Variants in SUPT3H observed in about 807,000 individuals in gnomAD.
SUPT3H encodes transcription initiation protein SPT3 homolog.
A neutral mutation model predicts 44.3 loss-of-function variants in SUPT3H; 44 were observed. That is an observed-to-expected ratio of 0.99 (90% CI 0.78 to 1.28). The LOEUF (loss-of-function observed/expected upper bound fraction) is 1.28, where lower values mean the gene tolerates loss of function less well. Ranked by LOEUF, SUPT3H falls within the 50% of genes most tolerant of loss-of-function variation. The pLI, the probability that SUPT3H is intolerant of heterozygous loss-of-function variation, is 0.00. For synonymous variants in SUPT3H, 124 were observed against 125.6 expected, an observed-to-expected ratio of 0.99 and a Z score of 0.09; for missense variants, 380 against 387.1, an observed-to-expected ratio of 0.98 and a Z score of 0.15.
intron 2 of SUPT3H, among the ~76,000 whole-genome samples, chr6:45,296,185 TACACACACAC>T (rs201077641): frequency 7.1e-6 from 1 of 140,454 alleles, no homozygotes; most frequent in Non-Finnish European, 1.5e-5. Context: ...ATACACATAC[TACACACACAC>T]ACACACACAC....
intron 2 of SUPT3H, among the ~76,000 whole-genome samples, chr6:45,239,680 C>T (rs1769919796): frequency 1.3e-5 from 2 of 152,182 alleles, no homozygotes; most frequent in Admixed American, 6.5e-5. Context: ...CAGTGTTTTA[C>T]AGTGATAGGC....
intron 2 of SUPT3H, among the ~76,000 whole-genome samples, chr6:45,182,921 G>T (rs1813541521): frequency 6.6e-6 from 1 of 152,154 alleles, no homozygotes; most frequent in African/African-American, 2.4e-5. Flanking sequence ...CAGCTGGGTG[G>T]ATCCTCAAAA....
chr6:45,136,402 T>G (rs1804283868), intron 2 of SUPT3H, among the ~76,000 whole-genome samples: 1 of 152,112 alleles, frequency 6.6e-6, no homozygotes, highest in Non-Finnish European at 1.5e-5. Flanking sequence ...AATACTATCT[T>G]AGTCCAGTGT....
rs1770198071 is a variant in SUPT3H, at chr6:45,241,006, G to C, written c.101+124195C>G. Among the ~76,000 whole-genome samples, 3 of 152,186 alleles carry C rather than the reference G, an allele frequency of 2.0e-5. No individual in the cohort carries two copies. The South Asian group carries it at 6.2e-4, about 31-fold the overall frequency. On this transcript the variant is annotated intron_variant, in intron 2 of 10. Transcript: ENST00000371459. ...TGAAGGAGCTGCAGACAGATTAGCA[G>C]CTAGTAACCCATTAAAAAGGATAAA...
rs201619216 is a variant in SUPT3H at position 45,014,823 on chromosome 6, G to A, written c.342C>T (p.Ile114=). ...TACCTTCGAGAAGATCATCCTCATC[G>A]ATGCCTTTGACAATCTTTGATTTGT... ...RDYKSKIVKG[I]DEDDLLEDKL... The change falls in exon 5 of 11, where the codon ATC becomes ATT. Residue 114 remains isoleucine, a synonymous_variant. Transcript: ENST00000371459. The A allele has an allele frequency of 2.1e-5, 34 of 1,590,866 alleles. No homozygotes were observed. The South Asian group carries it at 2.9e-4, about 14-fold the overall frequency.
At chr6:44,969,144 T>G (rs148714308) in intron 6 of SUPT3H, among the ~76,000 whole-genome samples, 180 of 152,340 alleles carry the variant, frequency 1.2e-3, no homozygotes, top group African/African-American at 4.1e-3. Context: ...ATTATACCCC[T>G]TCCTGCACTT....
intron 3 of SUPT3H, among the ~76,000 whole-genome samples, chr6:45,023,576 T>C (rs982278366): frequency 1.3e-5 from 2 of 152,126 alleles, no homozygotes; most frequent in Non-Finnish European, 2.9e-5. Context: ...ATATACACCA[T>C]GGAATATTAT....
intron 10 of SUPT3H, among the ~76,000 whole-genome samples, chr6:44,910,026 A>C (rs1171497271): frequency 6.6e-6 from 1 of 152,168 alleles, no homozygotes; most frequent in Admixed American, 6.5e-5. Flanking sequence ...AGGAAGAAGA[A>C]AATTGCTACT....
At chr6:45,277,886 A>G (rs1037617005) in intron 2 of SUPT3H, among the ~76,000 whole-genome samples, 1 of 152,214 alleles carries the variant, frequency 6.6e-6, no homozygotes, top group South Asian at 2.1e-4. Context: ...TGTCATTTCA[A>G]AAGAATTAAT....
chr6:45,119,114 T>C (rs186477284), intron 2 of SUPT3H, among the ~76,000 whole-genome samples: 2 of 152,242 alleles, frequency 1.3e-5, no homozygotes, highest in Admixed American at 6.5e-5. Context: ...CATATAATCA[T>C]AAATGCTGAG....
intron 1 of SUPT3H, among the ~76,000 whole-genome samples, chr6:45,368,855 T>C (rs978382481): frequency 1.3e-5 from 2 of 152,074 alleles, no homozygotes; most frequent in Admixed American, 1.3e-4. Context: ...TTTCATAAAA[T>C]TCCAAAGGCA....
chr6:44,954,121 C>T (rs933069651), intron 8 of SUPT3H, among the ~76,000 whole-genome samples: 18 of 152,104 alleles, frequency 1.2e-4, no homozygotes, highest in African/African-American at 4.1e-4. Flanking sequence ...TTTTAGAGGG[C>T]GAGATTCCAG....
chr6:45,020,687 AC>A (rs1160727437), intron 3 of SUPT3H, 55 bp from the exon 4 acceptor site: 1 of 1,290,890 alleles, frequency 7.7e-7, no homozygotes, highest in Non-Finnish European at 1.1e-6. Flanking sequence ...TATATATAGT[AC>A]AGTCATGATG....
rs557066950 is a variant in SUPT3H at position 45,181,956 on chromosome 6, T to C, written c.102-75950A>G. Among the ~76,000 whole-genome samples, 281 of 152,196 alleles carry C rather than the reference T, an allele frequency of 1.8e-3. 1 individual carries two copies. Among genetic ancestry groups the C allele is most frequent in the African/African-American group, 6.3e-3 (260 of 41,578 alleles). The stretch of plus-strand genomic sequence containing the variant: ...CTTTTGAAAGTGCTAAGTAAATTTA[T>C]GCTTTGAAAATAAATACAAGTTGTA... On this transcript the variant is annotated intron_variant, in intron 2 of 10. Transcript: ENST00000371459.
intron 2 of SUPT3H, among the ~76,000 whole-genome samples, chr6:45,342,660 C>T (rs558353693): frequency 6.6e-6 from 1 of 152,088 alleles, no homozygotes; most frequent in Non-Finnish European, 1.5e-5. Context: ...ATTTTGGAAG[C>T]CTTTTTTTTT....
intron 9 of SUPT3H, among the ~76,000 whole-genome samples, chr6:44,944,813 G>C (rs1180726890): frequency 1.8e-5 from 2 of 111,078 alleles, no homozygotes; most frequent in African/African-American, 6.7e-5. Context: ...CAGACAGACA[G>C]AAAGGAGGAA....
chr6:45,026,863 A>C lies in SUPT3H; in HGVS notation c.187-6231T>G, dbSNP rs148298932. Reference sequence around the variant, plus strand: ...ATTTTTGTTTAAATATACAGTGTTTATGTTATACCAAACTATTTTTGAAAA... The same window carrying C: ...ATTTTTGTTTAAATATACAGTGTTTCTGTTATACCAAACTATTTTTGAAAA... On this transcript the variant is annotated intron_variant, in intron 3 of 10. Coordinates refer to ENST00000371459, the MANE Select transcript of SUPT3H (RefSeq NM_003599.4). Among the ~76,000 whole-genome samples, 40 of 151,970 alleles carry C rather than the reference A, an allele frequency of 2.6e-4. 2 individuals carry two copies. Among genetic ancestry groups the C allele is most frequent in the African/African-American group, 8.0e-4 (33 of 41,500 alleles).
At chr6:44,924,408 A>C (rs1345021414) in intron 10 of SUPT3H, among the ~76,000 whole-genome samples, 1 of 152,138 alleles carries the variant, frequency 6.6e-6, no homozygotes, top group Non-Finnish European at 1.5e-5. Context: ...TGAAATTTTA[A>C]GAGTGGATCT....
chr6:45,271,973 C>T (rs1046568953), intron 2 of SUPT3H, among the ~76,000 whole-genome samples: 10 of 152,170 alleles, frequency 6.6e-5, no homozygotes, highest in African/African-American at 2.2e-4. Context: ...TTCAGACTTG[C>T]ACAGGGCCTG....
Sources: allele counts gnomAD v4.1 joint callset (sites outside exome capture counted in the v4.1 genomes callset), GRCh38; gene constraint gnomAD v4.1.1; transcripts MANE v1.5; gene names NCBI Gene and HGNC (gene_info 2026-07-23, HGNC 2026-07-21).